Variants in CELF2 observed in about 807,000 individuals in gnomAD.
CELF2 encodes CUG triplet repeat RNA-binding protein 2.
In CELF2, 8 loss-of-function variants were observed where a neutral mutation model predicts 62.6. The observed-to-expected ratio is 0.13, with a 90% CI of 0.07 to 0.23. CELF2 has a LOEUF of 0.23. Among genes scored for constraint, CELF2 ranks in the 10% least tolerant of loss-of-function variants. The pLI is 1.00. For synonymous variants in CELF2, 258 were observed against 250.0 expected (o/e 1.03, Z -0.30); for missense variants, 333 against 671.0 (o/e 0.50, Z 5.56).
chr10:11,268,729 G>A lies in CELF2; in HGVS notation c.619-1937G>A, dbSNP rs751048546. Among the ~76,000 whole-genome samples, 1 of 151,740 alleles carries A rather than the reference G, an allele frequency of 6.6e-6. No individual in the cohort carries two copies. Among genetic ancestry groups the A allele is most frequent in the Non-Finnish European group, 1.5e-5 (1 of 67,986 alleles). ...TTTTTAATTGGCATTTAAATAGGAG[G>A]TTATATATTATGCAGTCACATTATA... is the stretch of plus-strand genomic sequence containing the variant. On this transcript the variant is annotated intron_variant, in intron 6 of 12. Coordinates refer to ENST00000633077, the MANE Select transcript of CELF2 (RefSeq NM_001326342.2). The surrounding 1 kb of genome is among the most constrained non-coding windows in gnomAD (Gnocchi z 4.7).
the CELF2 span, among the ~76,000 whole-genome samples, chr10:10,551,393 C>G: frequency 1.3e-5 from 2 of 152,116 alleles, no homozygotes; most frequent in African/African-American, 4.8e-5. Context: ...CTTTGTGCAG[C>G]TGAAGGAGAC....
intron 1 of CELF2, among the ~76,000 whole-genome samples, chr10:10,916,986 A>G (rs1319671769): frequency 1.3e-5 from 2 of 151,932 alleles, no homozygotes; most frequent in Non-Finnish European, 2.9e-5. Context: ...ATCTAATTCA[A>G]CATCAGTTTT....
At chr10:11,219,476 G>A (rs753348730) in intron 3 of CELF2, among the ~76,000 whole-genome samples, 3 of 152,190 alleles carry the variant, frequency 2.0e-5, no homozygotes, top group African/African-American at 7.2e-5. Context: ...TTGGTCGGTG[G>A]ATTATTTTTG....
In CELF2 at chr10:11,297,287, A is replaced by C. The variant is rs1205929037; in HGVS notation, c.976+8735A>C. 6.6e-6 allele frequency among the ~76,000 whole-genome samples: 1 copy of C among 152,184 alleles called. No homozygotes were observed. The highest frequency in any genetic ancestry group is 1.5e-5 in the Non-Finnish European group (1 of 68,034). ...AGCAGCAGTTGGATGTGTGACCATCAGGCTGACCAGAGCCGGGAGCTGCAG... is the reference window on the plus strand; with the variant it reads ...AGCAGCAGTTGGATGTGTGACCATCCGGCTGACCAGAGCCGGGAGCTGCAG... On this transcript the variant is annotated intron_variant, in intron 9 of 12. Coordinates refer to ENST00000633077, the MANE Select transcript of CELF2 (RefSeq NM_001326342.2). This position sits in a 1 kb window ranked among gnomAD's most constrained non-coding sequence, Gnocchi z 4.4.
chr10:10,703,388 C>A, the CELF2 span, among the ~76,000 whole-genome samples: 1 of 152,152 alleles, frequency 6.6e-6, no homozygotes, highest in Non-Finnish European at 1.5e-5. Context: ...TACTCCACAC[C>A]TCCCCCTAAA....
chr10:10,764,951 A>T, the CELF2 span, among the ~76,000 whole-genome samples: 16 of 152,212 alleles, frequency 1.1e-4, no homozygotes, highest in Non-Finnish European at 2.2e-4. Flanking sequence ...GCTCATGTGC[A>T]GTATTTTATT....
At chr10:10,748,568 G>GA in the CELF2 span, among the ~76,000 whole-genome samples, 20 of 151,816 alleles carry the variant, frequency 1.3e-4, no homozygotes, top group Admixed American at 9.8e-4. Context: ...CTAGCACAGT[G>GA]AAACCCTGTC....
intron 1 of CELF2, among the ~76,000 whole-genome samples, chr10:10,804,437 T>C (rs955228157): frequency 2.0e-5 from 3 of 152,196 alleles, no homozygotes; most frequent in Non-Finnish European, 4.4e-5. Context: ...CTTTGACAGA[T>C]AGTTGGAGGG....
rs11415164 is a variant in CELF2, at chr10:10,924,281, C to CAAAAAAAAAAA, written c.89+4301_89+4311dup. Among the ~76,000 whole-genome samples the CAAAAAAAAAAA allele has an allele frequency of 8.9e-5, 4 of 45,102 alleles. 1 individual carries two copies. Among genetic ancestry groups the CAAAAAAAAAAA allele is most frequent in the East Asian group, 1.4e-3 (2 of 1,422 alleles). The allele number at this position is 45,102 out of a possible 152,430, so 29.6% of individuals were successfully genotyped here. A position where few individuals can be genotyped will look rare whatever the true frequency, so the allele number is the denominator to read the frequency against. ...TGGGCAACACAGCGAGACTCCGTCC[C>CAAAAAAAAAAA]AAAAAAAAAAAAAAAAAAAAAAAAA... On this transcript the variant is annotated intron_variant, in intron 2 of 13. Transcript: ENST00000636488.
chr10:11,094,076 A>G (rs906666337), intron 1 of CELF2, among the ~76,000 whole-genome samples: 3 of 152,124 alleles, frequency 2.0e-5, no homozygotes, highest in Admixed American at 1.3e-4. Context: ...AAGCCATTCC[A>G]TTTTTCAGGC....
At chr10:10,646,862 G>T in the CELF2 span, among the ~76,000 whole-genome samples, 1 of 152,174 alleles carries the variant, frequency 6.6e-6, no homozygotes, top group Non-Finnish European at 1.5e-5. Flanking sequence ...GTGAAGAAAT[G>T]AAGCCCAGAA....
the CELF2 span, among the ~76,000 whole-genome samples, chr10:10,520,387 A>G: frequency 1.3e-5 from 2 of 152,210 alleles, no homozygotes; most frequent in African/African-American, 4.8e-5. Flanking sequence ...AGGGGTAGGT[A>G]GACTTTCCAG....
At chr10:10,657,564 G>A in the CELF2 span, among the ~76,000 whole-genome samples, 1 of 152,106 alleles carries the variant, frequency 6.6e-6, no homozygotes, top group Admixed American at 6.5e-5. Context: ...TTAGCAACGT[G>A]ACTAATTCCC....
At chr10:10,676,868 G>A in the CELF2 span, among the ~76,000 whole-genome samples, 3 of 152,184 alleles carry the variant, frequency 2.0e-5, no homozygotes, top group Admixed American at 2.0e-4. Context: ...ACCAGAAACA[G>A]ACAGTACTTT....
chr10:10,597,011 A>C, the CELF2 span, among the ~76,000 whole-genome samples: 1 of 152,184 alleles, frequency 6.6e-6, no homozygotes, highest in South Asian at 2.1e-4. Flanking sequence ...ACTACTACCA[A>C]AGCACCAGAG....
At chr10:11,138,326 C>T (rs993783192) in intron 1 of CELF2, among the ~76,000 whole-genome samples, 4 of 152,162 alleles carry the variant, frequency 2.6e-5, no homozygotes, top group Non-Finnish European at 5.9e-5. Context: ...TATCCTGAGG[C>T]TCAGACTAAA....
intron 1 of CELF2, among the ~76,000 whole-genome samples, chr10:10,809,388 T>A (rs2055601627): frequency 1.3e-5 from 2 of 152,218 alleles, no homozygotes; most frequent in South Asian, 4.1e-4. Context: ...ATTATGGTGA[T>A]CTGAGCAGAC....
At chr10:11,048,145 C>CT (rs919774010) in intron 1 of CELF2, among the ~76,000 whole-genome samples, 2 of 152,178 alleles carry the variant, frequency 1.3e-5, no homozygotes, top group Admixed American at 1.3e-4. Flanking sequence ...TGCAATGTAG[C>CT]TTTTCTCAGT....
rs777906258 is a variant in CELF2 at position 11,220,830 on chromosome 10, C to T, written c.354+3323C>T. Among the ~76,000 whole-genome samples, 8 of 152,194 alleles carry T rather than the reference C, an allele frequency of 5.3e-5. No homozygotes were observed. The highest frequency in any genetic ancestry group is 1.2e-4 in the Non-Finnish European group (8 of 68,036). On this transcript the variant is annotated intron_variant, in intron 3 of 12. Coordinates refer to ENST00000633077, the MANE Select transcript of CELF2 (RefSeq NM_001326342.2). This position sits in a 1 kb window ranked among gnomAD's most constrained non-coding sequence, Gnocchi z 4.4. ...TTTAGGTACAGTGCCTCATTAGTTACTGACATTTCATGAGATTAATCCCAA... is the reference window on the plus strand; with the variant it reads ...TTTAGGTACAGTGCCTCATTAGTTATTGACATTTCATGAGATTAATCCCAA...
Sources: allele counts gnomAD v4.1 joint callset (sites outside exome capture counted in the v4.1 genomes callset), GRCh38; gene constraint gnomAD v4.1.1; non-coding constraint Gnocchi (gnomAD v3.1); transcripts MANE v1.5; gene names NCBI Gene and HGNC (gene_info 2026-07-23, HGNC 2026-07-21).